Variants in KITLG observed in about 807,000 individuals in gnomAD.
The protein encoded by KITLG is KIT ligand.
In KITLG, 13 loss-of-function variants were observed where a neutral mutation model predicts 34.1. The ratio of observed to expected loss-of-function variants is 0.38; its 90% confidence interval spans 0.25 to 0.61. The LOEUF (loss-of-function observed/expected upper bound fraction) is 0.61. Ranked by LOEUF, KITLG falls within the 20% of genes least tolerant of loss-of-function variation. The pLI is 0.60. For missense variants in KITLG, 292 were observed against 318.9 expected (o/e 0.92, Z 0.64); for synonymous variants, 110 against 104.0 (o/e 1.06, Z -0.35).
At chr12:88,557,275 A>C (rs1368412658) in intron 1 of KITLG, among the ~76,000 whole-genome samples, 1 of 152,186 alleles carries the variant, frequency 6.6e-6, no homozygotes, top group Admixed American at 6.5e-5. Context: ...CTGGTACCTC[A>C]GGCAAGAATA....
At chr12:88,504,764 G>A (rs1016964864) in intron 9 of KITLG, among the ~76,000 whole-genome samples, 1 of 152,122 alleles carries the variant, frequency 6.6e-6, no homozygotes, top group Non-Finnish European at 1.5e-5. Flanking sequence ...CCATTACTGG[G>A]TATATACCCA....
At chr12:88,535,359 C>T (rs939164872) in intron 2 of KITLG, among the ~76,000 whole-genome samples, 3 of 152,206 alleles carry the variant, frequency 2.0e-5, no homozygotes, top group East Asian at 1.9e-4. Context: ...GTTTTTGAAA[C>T]GTGCTTTATA....
At chr12:88,499,645 GCTT>G (rs1868778314) in intron 9 of KITLG, among the ~76,000 whole-genome samples, 1 of 152,100 alleles carries the variant, frequency 6.6e-6, no homozygotes, top group Non-Finnish European at 1.5e-5. Context: ...TTTACCAACA[GCTT>G]CTTCTCCTGA....
chr12:88,526,953 C>T (rs948725028), intron 3 of KITLG, among the ~76,000 whole-genome samples: 1 of 150,656 alleles, frequency 6.6e-6, no homozygotes, highest in African/African-American at 2.5e-5. Flanking sequence ...ACTGAAAACT[C>T]CACCTCCCAG....
rs557090295 is a variant in KITLG at position 88,495,457 on chromosome 12, C to T, written c.*1762G>A. The T allele has an allele frequency of 6.6e-6, 1 of 152,508 alleles. No individual in the cohort carries two copies. Among genetic ancestry groups the T allele is most frequent in the Admixed American group, 6.6e-5 (1 of 15,246 alleles). 9.4% of individuals were successfully genotyped at this position (152,508 alleles called of 1,614,324 possible). A position where few individuals can be genotyped will look rare whatever the true frequency, so the allele number is the denominator to read the frequency against. On this transcript the variant is annotated 3_prime_UTR_variant, in exon 10 of 10. Transcript: ENST00000644744. ...CATGTGATATCTGAGGGCCTGAACA[C>T]CTTAATGCAGCTTCTCAAAGCACCT...
At chr12:88,562,148 T>C (rs1871317605) in intron 1 of KITLG, among the ~76,000 whole-genome samples, 3 of 152,258 alleles carry the variant, frequency 2.0e-5, no homozygotes, top group African/African-American at 4.8e-5. Context: ...TTTCTCATAG[T>C]ACATAATCCT....
chr12:88,524,713 G>A (rs1057398387), intron 3 of KITLG, among the ~76,000 whole-genome samples: 13 of 151,934 alleles, frequency 8.6e-5, no homozygotes, highest in Middle Eastern at 3.2e-3. Flanking sequence ...TCACTTATTA[G>A]GAAGACGGGC....
intron 1 of KITLG, among the ~76,000 whole-genome samples, chr12:88,567,758 C>T (rs975798263): frequency 1.3e-5 from 2 of 152,166 alleles, no homozygotes; most frequent in African/African-American, 4.8e-5. Context: ...TGTCCTAATG[C>T]CCTTCTTATG....
At chr12:88,579,110 T>C (rs1871925932) in intron 1 of KITLG, among the ~76,000 whole-genome samples, 1 of 152,176 alleles carries the variant, frequency 6.6e-6, no homozygotes, top group South Asian at 2.1e-4. Flanking sequence ...GGCTAGAGTC[T>C]TGCAACTTTT....
intron 6 of KITLG, among the ~76,000 whole-genome samples, chr12:88,508,030 T>C (rs897882731): frequency 2.0e-5 from 3 of 151,842 alleles, no homozygotes; most frequent in African/African-American, 7.3e-5. Flanking sequence ...CTACTAAAAA[T>C]ACAAAAATTA....
chr12:88,499,674 T>C (rs781530955), intron 9 of KITLG, among the ~76,000 whole-genome samples: 8 of 152,210 alleles, frequency 5.3e-5, no homozygotes, highest in Non-Finnish European at 1.0e-4. Flanking sequence ...CATTTCCTGT[T>C]AATGCCACCG....
rs541672089 is a variant in KITLG, at chr12:88,560,923, G to T, written c.16-15058C>A. Among the ~76,000 whole-genome samples the T allele has an allele frequency of 4.6e-5, 6 of 130,800 alleles. No individual in the cohort carries two copies. The East Asian group carries it at 1.4e-3, about 30-fold the overall frequency. The allele number at this position is 130,800 out of a possible 152,430, so 85.8% of individuals were successfully genotyped here. A position where few individuals can be genotyped will look rare whatever the true frequency, so the allele number is the denominator to read the frequency against. ...GCGGAGGTTGCGGTGAGCCGAGATCGCACCACTGCACTCAAGCCTGGGTAA... is the reference window on the plus strand; with the variant it reads ...GCGGAGGTTGCGGTGAGCCGAGATCTCACCACTGCACTCAAGCCTGGGTAA... On this transcript the variant is annotated intron_variant, in intron 1 of 9. Transcript: ENST00000644744.
chr12:88,541,266 T>C (rs1471740049), intron 2 of KITLG, among the ~76,000 whole-genome samples: 2 of 152,140 alleles, frequency 1.3e-5, no homozygotes, highest in South Asian at 2.1e-4. Context: ...GATTCCTTTG[T>C]TCTAATGCTA....
intron 3 of KITLG, among the ~76,000 whole-genome samples, chr12:88,526,525 T>C (rs1370574942): frequency 6.6e-6 from 1 of 152,182 alleles, no homozygotes; most frequent in Non-Finnish European, 1.5e-5. Flanking sequence ...TGAGCATCCA[T>C]GAGGCACTGA....
intron 3 of KITLG, among the ~76,000 whole-genome samples, chr12:88,523,795 G>T (rs1171552578): frequency 2.0e-5 from 3 of 152,150 alleles, no homozygotes; most frequent in Non-Finnish European, 4.4e-5. Flanking sequence ...GTTTTGTAAT[G>T]ATTTATTTTA....
rs137891627 is a variant in KITLG, at chr12:88,520,796, T to C, written c.193-1929A>G. The stretch of plus-strand genomic sequence containing the variant: ...TTGATCACTATTTTCAACCGAACTC[T>C]ATGTTTACATTTTATATTCTAGTTC... On this transcript the variant is annotated intron_variant, in intron 3 of 9. Coordinates refer to ENST00000644744, the MANE Select transcript of KITLG (RefSeq NM_000899.5). 1.8e-3 allele frequency among the ~76,000 whole-genome samples: 277 copies of C among 152,316 alleles called. 2 individuals carry two copies. Among genetic ancestry groups the C allele is most frequent in the African/African-American group, 6.4e-3 (267 of 41,578 alleles).
At chr12:88,545,098 C>A (rs1376967995) in intron 2 of KITLG, among the ~76,000 whole-genome samples, 1 of 152,044 alleles carries the variant, frequency 6.6e-6, no homozygotes, top group East Asian at 1.9e-4. Context: ...TGTGTTATGC[C>A]CACTCTGTGG....
At chr12:88,526,856 G>A (rs1277592387) in intron 3 of KITLG, among the ~76,000 whole-genome samples, 1 of 142,704 alleles carries the variant, frequency 7.0e-6, no homozygotes, top group Admixed American at 7.4e-5. Flanking sequence ...TGCCAGATCA[G>A]TATAGTCTTT....
chr12:88,507,006 A>G (rs1280524326), intron 7 of KITLG, 22 bp downstream of exon 7: 1 of 1,270,990 alleles, frequency 7.9e-7, no homozygotes, highest in Non-Finnish European at 1.2e-6. Flanking sequence ...ATATTTTTAA[A>G]AAAAGGAATG....
Sources: allele counts gnomAD v4.1 joint callset (sites outside exome capture counted in the v4.1 genomes callset), GRCh38; gene constraint gnomAD v4.1.1; transcripts MANE v1.5; gene names NCBI Gene and HGNC (gene_info 2026-07-23, HGNC 2026-07-21).